MRPS24: variants seen among roughly 807,000 people sequenced by gnomAD.
MRPS24 encodes mitochondrial ribosomal protein S24.
MRPS24 carries 15 observed loss-of-function variants against 21.8 expected under a neutral mutation model. The ratio of observed to expected loss-of-function variants is 0.69; its 90% CI spans 0.46 to 1.06. The LOEUF is 1.06. Ranked by LOEUF, MRPS24 falls within the 50% of genes least tolerant of loss-of-function variation. The pLI is 0.00. For missense variants in MRPS24, 224 were observed against 219.1 expected, an observed-to-expected ratio of 1.02 and a Z score of -0.14; for synonymous variants, 93 against 93.7, an observed-to-expected ratio of 0.99 and a Z score of 0.04.
In MRPS24 at chr7:43,869,231, CT is replaced by C; in HGVS notation, c.108+76del. The C allele has an allele frequency of 6.7e-7, 1 of 1,482,910 alleles. No homozygotes were observed. Among genetic ancestry groups the C allele is most frequent in the African/African-American group, 1.4e-5 (1 of 71,648 alleles). 91.9% of individuals were successfully genotyped at this position (1,482,910 alleles called of 1,614,324 possible). On this transcript the variant is annotated intron_variant, in intron 2 of 3. Transcript: ENST00000317534. This position sits in a 1 kb window ranked among gnomAD's most constrained non-coding sequence, Gnocchi z 4.8. ...GCCTCGGACCCCAGCGACACGCCCC[CT>C]TCAGCCCGCACGGCTTCCCCGGCCC...
Position 43,866,759 on chromosome 7 carries a change from T to C in MRPS24, c.444A>G (p.Lys148=), listed in dbSNP as rs554249617. ...YSETLLSYFY[K]CPVRLHLQTV... is the part of the protein sequence containing the mutation. The stretch of plus-strand genomic sequence containing the variant: ...TTTGGAGGTGGAGTCGCACAGGACA[T>C]TTGTAAAAGTAGGACAGCAAAGTTT... The change falls in exon 4 of 4, where the codon AAA becomes AAG. Residue 148 remains lysine, a synonymous_variant. Transcript: ENST00000317534. The C allele has an allele frequency of 3.7e-6, 6 of 1,614,158 alleles. No individual in the cohort carries two copies. Among genetic ancestry groups the C allele is most frequent in the Non-Finnish European group, 5.1e-6 (6 of 1,180,024 alleles).
chr7:43,867,729 C>G (rs944580460), intron 3 of MRPS24: 2 of 151,956 alleles, frequency 1.3e-5, no homozygotes, highest in Non-Finnish European at 2.9e-5. Context: ...TGGGGTTTCA[C>G]CATCTTGGCC....
chr7:43,868,853 T>G (rs970420417), intron 3 of MRPS24, 110 bp downstream of exon 3: 1 of 1,350,622 alleles, frequency 7.4e-7, no homozygotes, highest in Non-Finnish European at 1.0e-6. Context: ...TTCATAGATT[T>G]CTGACCCTAG....
intron 3 of MRPS24, among the ~76,000 whole-genome samples, chr7:43,867,386 G>A (rs1181517791): frequency 6.6e-6 from 1 of 152,050 alleles, no homozygotes; most frequent in Admixed American, 6.6e-5. Context: ...CTAGGCCCAG[G>A]GCTTCCACCA....
intron 3 of MRPS24, 31 bp downstream of exon 3, chr7:43,868,932 T>C (rs763152439): frequency 1.2e-6 from 2 of 1,607,898 alleles, no homozygotes; most frequent in Non-Finnish European, 1.7e-6. Flanking sequence ...TCGGATTGAG[T>C]GCTCCTTTTG....
Position 43,869,254 on chromosome 7 carries a change from G to GCCCCCCGC in MRPS24, c.108+53_108+54insGCGGGGGG. 4 of 1,475,060 alleles carry GCCCCCCGC rather than the reference G, an allele frequency of 2.7e-6. No homozygotes were observed. The highest frequency in any genetic ancestry group is 2.7e-6 in the Non-Finnish European group (3 of 1,114,140). 91.4% of individuals were successfully genotyped at this position (1,475,060 alleles called of 1,614,324 possible). On this transcript the variant is annotated intron_variant, in intron 2 of 3. Coordinates refer to ENST00000317534, the MANE Select transcript of MRPS24 (RefSeq NM_032014.3). The surrounding 1 kb of genome is among the most constrained non-coding windows in gnomAD (Gnocchi z 4.8). ...CCCTTCAGCCCGCACGGCTTCCCCG[G>GCCCCCCGC]CCCCCGGCCCCCCGGCCCCCAGGCC...
At position 43,869,099 on chromosome 7, in the gene MRPS24, C is replaced by T. The variant is rs772141215; in HGVS notation, c.109-25G>A. 3.1e-6 allele frequency: 5 copies of T among 1,604,442 alleles called. No homozygotes were observed. The highest frequency in any genetic ancestry group is 4.2e-6 in the Non-Finnish European group (5 of 1,178,264). ...TCTAGGAGCAAAAGGGGCCGTGACT[C>T]CACGAGATCCCCGATCCAGACCCCT... On this transcript the variant is annotated intron_variant, in intron 2 of 3. Coordinates refer to ENST00000317534, the MANE Select transcript of MRPS24 (RefSeq NM_032014.3). The surrounding 1 kb of genome is among the most constrained non-coding windows in gnomAD (Gnocchi z 4.8).
intron 3 of MRPS24, chr7:43,868,751 T>C (rs904860362): frequency 9.3e-6 from 5 of 538,274 alleles, no homozygotes; most frequent in Non-Finnish European, 1.2e-5. Context: ...CTGCCTGCCA[T>C]GGAAAAAGTC....
rs1200933016 is a variant in MRPS24, at chr7:43,866,879, C to G, written c.324G>C (p.Leu108=). The G allele has an allele frequency of 6.2e-7, 1 of 1,614,122 alleles. No homozygotes were observed. Among genetic ancestry groups the G allele is most frequent in the Non-Finnish European group, 8.5e-7 (1 of 1,180,052 alleles). Residue 108 remains leucine (L), a synonymous_variant, in exon 4 of 4, where the codon CTG becomes CTC. Coordinates refer to ENST00000317534, the MANE Select transcript of MRPS24 (RefSeq NM_032014.3). ...GTFPGCLADQ[L]VLKRRGNQLE... ...ACTGGTTACCCCGGCGCTTTAAAACCAGCTGGTCAGCCAGGCAGCCTGGGA... is the reference window on the plus strand; with the variant it reads ...ACTGGTTACCCCGGCGCTTTAAAACGAGCTGGTCAGCCAGGCAGCCTGGGA...
intron 3 of MRPS24, chr7:43,868,059 GTTTCC>G (rs2095837768): frequency 6.6e-6 from 1 of 152,018 alleles, no homozygotes; most frequent in African/African-American, 2.4e-5. Context: ...ACATAACCTA[GTTTCC>G]TTTGTGTTTC....
In MRPS24 at chr7:43,866,863, C is replaced by A; in HGVS notation, c.340G>T (p.Gly114Cys). Residue 114 changes from glycine to cysteine, a missense_variant, in exon 4 of 4, where the codon GGT (glycine) becomes TGT (cysteine). Physicochemically the swap from Gly to Cys is radical, Grantham distance 159. Transcript: ENST00000317534. ...ACGGCACAGATCTCCAACTGGTTAC[C>A]CCGGCGCTTTAAAACCAGCTGGTCA... Reference protein sequence around the residue: ...LADQLVLKRRGNQLEICAVVL... With the variant: ...LADQLVLKRRCNQLEICAVVL... 1.9e-6 allele frequency: 3 copies of A among 1,614,194 alleles called. No individual in the cohort carries two copies. The highest frequency in any genetic ancestry group is 2.5e-6 in the Non-Finnish European group (3 of 1,180,032).
At position 43,869,182 on chromosome 7, in the gene MRPS24, T is replaced by A. The variant is rs1410984144; in HGVS notation, c.109-108A>T. ...CTGTTCCCCGGCCCCAATCCCCTGA[T>A]CCCTAAGCCCCGACCCTAGCCCCGC... On this transcript the variant is annotated intron_variant, in intron 2 of 3. Coordinates refer to ENST00000317534, the MANE Select transcript of MRPS24 (RefSeq NM_032014.3). This position sits in a 1 kb window ranked among gnomAD's most constrained non-coding sequence, Gnocchi z 4.8. 1.2e-5 allele frequency: 18 copies of A among 1,479,068 alleles called. No individual in the cohort carries two copies. The highest frequency in any genetic ancestry group is 4.3e-5 in the Admixed American group (2 of 46,680). 91.6% of individuals were successfully genotyped at this position (1,479,068 alleles called of 1,614,324 possible). A position where few individuals can be genotyped will look rare whatever the true frequency, so the allele number is the denominator to read the frequency against.
In MRPS24 at chr7:43,869,279, C is replaced by G. The variant is rs1370886428; in HGVS notation, c.108+29G>C. On this transcript the variant is annotated intron_variant, in intron 2 of 3. Coordinates refer to ENST00000317534, the MANE Select transcript of MRPS24 (RefSeq NM_032014.3). The surrounding 1 kb of genome is among the most constrained non-coding windows in gnomAD (Gnocchi z 4.8). ...GCCCCCGGCCCCCCGGCCCCCAGGC[C>G]CCCAGGCCCCTGCCCCGGCGGTGCT... 1.3e-6 allele frequency: 2 copies of G among 1,527,256 alleles called. No individual in the cohort carries two copies. The highest frequency in any genetic ancestry group is 1.8e-6 in the Non-Finnish European group (2 of 1,140,896). The allele number at this position is 1,527,256 out of a possible 1,614,324, so 94.6% of individuals were successfully genotyped here. A position where few individuals can be genotyped will look rare whatever the true frequency, so the allele number is the denominator to read the frequency against.
At chr7:43,868,627 G>A (rs2132633419) in intron 3 of MRPS24, 1 of 243,396 alleles carries the variant, frequency 4.1e-6, no homozygotes, top group East Asian at 9.4e-5. Context: ...TCCTTTCCTT[G>A]ACTCTGAGCT....
In MRPS24 at chr7:43,866,992, G is replaced by T. The variant is rs187189647; in HGVS notation, c.221-10C>A. On this transcript the variant is annotated splice_polypyrimidine_tract_variant and intron_variant, in intron 3 of 3. Transcript: ENST00000317534. ...TCTCCATCCAGGTTACCTGAAGAGG[G>T]AAGGGCATAATAGAAGAATCAGCCT... The T allele has an allele frequency of 1.9e-6, 3 of 1,613,276 alleles. No individual in the cohort carries two copies. Among genetic ancestry groups the T allele is most frequent in the Non-Finnish European group, 2.5e-6 (3 of 1,179,598 alleles).
Position 43,869,140 on chromosome 7 carries a change from C to T in MRPS24, c.109-66G>A. On this transcript the variant is annotated intron_variant, in intron 2 of 3. Transcript: ENST00000317534. This position sits in a 1 kb window ranked among gnomAD's most constrained non-coding sequence, Gnocchi z 4.8. Reference sequence around the variant, plus strand: ...CCAGACCCCTACTTCGCGCCATGTCCCCCCAGTCAGCTGGCACTGTTCCCC... The same window carrying T: ...CCAGACCCCTACTTCGCGCCATGTCTCCCCAGTCAGCTGGCACTGTTCCCC... 2 of 1,539,852 alleles carry T rather than the reference C, an allele frequency of 1.3e-6. No homozygotes were observed. The highest frequency in any genetic ancestry group is 2.4e-5 in the South Asian group (2 of 84,110).
intron 3 of MRPS24, 71 bp from the exon 4 acceptor site, chr7:43,867,053 A>G: frequency 6.5e-7 from 1 of 1,535,760 alleles, no homozygotes; most frequent in East Asian, 2.3e-5. Flanking sequence ...TCCAGAGTCA[A>G]CATCCAAAAG....
At chr7:43,867,113 G>T in intron 3 of MRPS24, 131 bp from the exon 4 acceptor site, 2 of 876,288 alleles carry the variant, frequency 2.3e-6, no homozygotes, top group African/African-American at 1.7e-5. Flanking sequence ...CTTTTCTTCT[G>T]CTAATGGAAT....
Position 43,866,944 on chromosome 7 carries a change from C to T in MRPS24, c.259G>A (p.Val87Met). The part of the protein sequence containing the change: ...DGEDHAAERT[V>M]EDVFLRKFMW... ...AACTTGCGAAGGAAAACATCCTCCACCGTTCGCTCTGCGGCATGGTCCTCT... is the reference window on the plus strand; with the variant it reads ...AACTTGCGAAGGAAAACATCCTCCATCGTTCGCTCTGCGGCATGGTCCTCT... Residue 87 changes from valine (V) to methionine (M), a missense_variant, in exon 4 of 4, where the codon GTG (valine) becomes ATG (methionine). Val to Met is a conservative substitution (Grantham distance 21, BLOSUM62 1). Transcript: ENST00000317534. 6.2e-7 allele frequency: 1 copy of T among 1,614,156 alleles called. No individual in the cohort carries two copies. The highest frequency in any genetic ancestry group is 8.5e-7 in the Non-Finnish European group (1 of 1,180,018).
Sources: allele counts gnomAD v4.1 joint callset (sites outside exome capture counted in the v4.1 genomes callset), GRCh38; gene constraint gnomAD v4.1.1; non-coding constraint Gnocchi (gnomAD v3.1); transcripts MANE v1.5; gene names NCBI Gene and HGNC (gene_info 2026-07-23, HGNC 2026-07-21).